Variants in MCM4 observed in about 807,000 individuals in gnomAD.
MCM4 encodes minichromosome maintenance complex component 4.
In MCM4, 60 loss-of-function variants were observed where a neutral mutation model predicts 88.7. That is an observed-to-expected ratio of 0.68 (90% CI 0.55 to 0.84). The LOEUF (loss-of-function observed/expected upper bound fraction) is 0.84. Ranked by LOEUF, MCM4 falls within the 40% of genes least tolerant of loss-of-function variation. The pLI is 0.00. For synonymous variants in MCM4, 465 were observed against 410.5 expected (o/e 1.13, Z -1.61); for missense variants, 1,149 against 1,105.5 (o/e 1.04, Z -0.56).
At chr8:47,962,686 C>T (rs559445029) in intron 5 of MCM4, 78 bp from the exon 6 acceptor site, 67 of 808,796 alleles carry the variant, frequency 8.3e-5, no homozygotes, top group Non-Finnish European at 5.0e-5. Context: ...TAGTGACATA[C>T]TCATAACTTT....
chr8:47,960,990 G>T lies in MCM4; in HGVS notation c.-39G>T, dbSNP rs1044557940. 4.9e-5 allele frequency: 36 copies of T among 739,142 alleles called. No homozygotes were observed. The highest frequency in any genetic ancestry group is 6.2e-5 in the Non-Finnish European group (31 of 500,028). 45.8% of individuals were successfully genotyped at this position (739,142 alleles called of 1,614,324 possible). Reference sequence around the variant, plus strand: ...GGTGGACTCGGAGTCCGCGAGCGTCGTCGGCAAGCGGCCGCCTTTCCACGG... The same window carrying T: ...GGTGGACTCGGAGTCCGCGAGCGTCTTCGGCAAGCGGCCGCCTTTCCACGG... On this transcript the variant is annotated 5_prime_UTR_variant, in exon 1 of 17. Transcript: ENST00000649973.
chr8:47,972,847 G>A lies in MCM4; in HGVS notation c.1929-10G>A. 1 of 1,612,914 alleles carries A rather than the reference G, an allele frequency of 6.2e-7. No homozygotes were observed. Among genetic ancestry groups the A allele is most frequent in the South Asian group, 1.1e-5 (1 of 91,012 alleles). On this transcript the variant is annotated splice_polypyrimidine_tract_variant and intron_variant, in intron 13 of 16. Transcript: ENST00000649973. ...GCTGGAAAAACAGTATTTTTACTTTGTTTTCTTAGGTTTGATTTGATCTTC... is the reference window on the plus strand; with the variant it reads ...GCTGGAAAAACAGTATTTTTACTTTATTTTCTTAGGTTTGATTTGATCTTC...
At chr8:47,961,773 C>T in intron 3 of MCM4, 93 bp downstream of exon 3, 4 of 1,437,104 alleles carry the variant, frequency 2.8e-6, no homozygotes, top group South Asian at 2.7e-5. Context: ...GTTGGCATAA[C>T]GCCTAAAGCA....
chr8:47,965,967 A>G (rs1293782797), intron 8 of MCM4, among the ~76,000 whole-genome samples: 7 of 152,110 alleles, frequency 4.6e-5, no homozygotes, highest in African/African-American at 1.4e-4. Flanking sequence ...GGCAGACAAG[A>G]AGGGAACGAG....
At chr8:47,969,704 C>G (rs530201814) in intron 10 of MCM4, 94 bp from the exon 11 acceptor site, 5 of 1,307,030 alleles carry the variant, frequency 3.8e-6, no homozygotes, top group African/African-American at 2.9e-5. Flanking sequence ...CGTGGTGCCT[C>G]GCTCTGAAGT....
At chr8:47,975,876 G>C in intron 16 of MCM4, 28 bp downstream of exon 16, 1 of 1,429,168 alleles carries the variant, frequency 7.0e-7, no homozygotes, top group Non-Finnish European at 9.2e-7. Flanking sequence ...TTTTTTGTTT[G>C]ATAGAGCTTT....
rs2090935344 is a variant in MCM4 at position 47,969,835 on chromosome 8, AGT to A, written c.1214_1215del (p.Val405GlufsTer2). 2 of 1,614,114 alleles carry A rather than the reference AGT, an allele frequency of 1.2e-6. No individual in the cohort carries two copies. Among genetic ancestry groups the A allele is most frequent in the African/African-American group, 2.7e-5 (2 of 74,934 alleles). ...RAVPIRVNPR[V>X]SNVKSVYKTH... is the part of the protein sequence containing the mutation. Reference sequence around the variant, plus strand: ...CTGTGCCTATTCGAGTCAATCCAAGAGTGAGTAATGTGAAGTCTGTCTACAAA... The same window carrying A: ...CTGTGCCTATTCGAGTCAATCCAAGAGAGTAATGTGAAGTCTGTCTACAAA... On this transcript the variant is annotated frameshift_variant, in exon 11 of 17. Transcript: ENST00000649973. LOFTEE classifies it high-confidence loss of function.
intron 3 of MCM4, 118 bp from the exon 4 acceptor site, chr8:47,961,935 C>A: frequency 9.8e-7 from 1 of 1,024,572 alleles, no homozygotes; most frequent in Non-Finnish European, 1.5e-6. Context: ...TCTCAGCCAC[C>A]GCAGGTTGCA....
chr8:47,961,051 C>T, intron 1 of MCM4, 37 bp downstream of exon 1: 3 of 1,340,818 alleles, frequency 2.2e-6, no homozygotes, highest in African/African-American at 1.5e-5. Context: ...TGGCGCGGAG[C>T]CGACGGGAAC....
intron 9 of MCM4, 53 bp downstream of exon 9, chr8:47,966,460 A>G (rs1209731194): frequency 2.7e-6 from 4 of 1,502,556 alleles, no homozygotes; most frequent in East Asian, 2.4e-5. Flanking sequence ...TGTATCCTCA[A>G]AAGGCCAACT....
At position 47,961,620 on chromosome 8, in the gene MCM4, C is replaced by T. The variant is rs2090837243; in HGVS notation, c.175C>T (p.Leu59=). ...QPMPTSPGVD[L]QSPAAQDVLF... Reference sequence around the variant, plus strand: ...GATGCCAACCTCGCCTGGAGTGGACCTGCAGAGCCCTGCTGCGCAGGACGT... The same window carrying T: ...GATGCCAACCTCGCCTGGAGTGGACTTGCAGAGCCCTGCTGCGCAGGACGT... The change falls in exon 3 of 17, where the codon CTG becomes TTG. Residue 59 remains leucine (L), a synonymous_variant. Transcript: ENST00000649973. 1.9e-6 allele frequency: 3 copies of T among 1,614,188 alleles called. No homozygotes were observed. The highest frequency in any genetic ancestry group is 2.5e-6 in the Non-Finnish European group (3 of 1,180,016).
Position 47,966,302 on chromosome 8 carries a change from G to GTC in MCM4, c.948_949insTC (p.Met317SerfsTer36). 1 of 1,614,052 alleles carries GTC rather than the reference G, an allele frequency of 6.2e-7. No individual in the cohort carries two copies. The highest frequency in any genetic ancestry group is 1.7e-5 in the Admixed American group (1 of 60,030). On this transcript the variant is annotated frameshift_variant, in exon 9 of 17. Coordinates refer to ENST00000649973, the MANE Select transcript of MCM4 (RefSeq NM_182746.3). LOFTEE classifies it high-confidence loss of function. The stretch of plus-strand genomic sequence containing the variant: ...TGTGTGCCCACACGACCCGGGTGGA[G>GTC]ATGGACCGCGGCCGCATTGCAGAGC...
At chr8:47,973,339 C>G (rs2154505408) in intron 14 of MCM4, among the ~76,000 whole-genome samples, 1 of 152,002 alleles carries the variant, frequency 6.6e-6, no homozygotes, top group Non-Finnish European at 1.5e-5. Context: ...ACCACTCCGG[C>G]TAATTTTTGT....
rs1192152598 is a variant in MCM4, at chr8:47,971,418, T to TA, written c.1885dup (p.Thr629AsnfsTer4). ...ATCCCATTGAGTCTCAGTGGAATCCTAAAAAAACAACCATTGAAAACATCC... is the reference window on the plus strand; with the variant it reads ...ATCCCATTGAGTCTCAGTGGAATCCTAAAAAAAACAACCATTGAAAACATCC... On this transcript the variant is annotated frameshift_variant, in exon 13 of 17. Coordinates refer to ENST00000649973, the MANE Select transcript of MCM4 (RefSeq NM_182746.3). LOFTEE classifies it high-confidence loss of function. The TA allele has an allele frequency of 1.2e-6, 2 of 1,614,078 alleles. No individual in the cohort carries two copies. Among genetic ancestry groups the TA allele is most frequent in the Non-Finnish European group, 1.7e-6 (2 of 1,179,968 alleles).
rs1563834018 is a variant in MCM4, at chr8:47,969,930, C to G, written c.1307C>G (p.Ala436Gly). 6.2e-7 allele frequency: 1 copy of G among 1,614,164 alleles called. No homozygotes were observed. Among genetic ancestry groups the G allele is most frequent in the Non-Finnish European group, 8.5e-7 (1 of 1,180,044 alleles). The change falls in exon 11 of 17, where the codon GCA becomes GGA. Residue 436 changes from alanine (A) to glycine (G), a missense_variant. Physicochemically the swap from Ala to Gly is moderately conservative, Grantham distance 60. This residue lies in a region of MCM4 where 906 missense variants were observed against 843.0 expected (regional missense o/e 1.07). Coordinates refer to ENST00000649973, the MANE Select transcript of MCM4 (RefSeq NM_182746.3). ...AKRLHGLDEE[A>G]EQKLFSEKRV... ...CGTCTGCATGGCCTTGATGAAGAAGCAGAACAGAAACTTTTTTCAGAGAAA... is the reference window on the plus strand; with the variant it reads ...CGTCTGCATGGCCTTGATGAAGAAGGAGAACAGAAACTTTTTTCAGAGAAA...
chr8:47,972,365 C>A (rs552260867), intron 13 of MCM4, among the ~76,000 whole-genome samples: 2 of 152,062 alleles, frequency 1.3e-5, no homozygotes, highest in East Asian at 3.9e-4. Context: ...CTAGGGACAG[C>A]ACAGGGTGAG....
chr8:47,965,252 T>A (rs2090888518), intron 8 of MCM4, among the ~76,000 whole-genome samples: 1 of 151,546 alleles, frequency 6.6e-6, no homozygotes, highest in South Asian at 2.1e-4. Context: ...GATTTGAGGA[T>A]CACTTGAGGC....
intron 14 of MCM4, 127 bp downstream of exon 14, chr8:47,973,191 G>A (rs547350786): frequency 6.5e-6 from 6 of 923,676 alleles, no homozygotes; most frequent in East Asian, 5.3e-5. Context: ...CTTGTTTTGA[G>A]ACAGAGCCTG....
rs951136003 is a variant in MCM4 at position 47,977,830 on chromosome 8, C to G, written c.*1052C>G. On this transcript the variant is annotated 3_prime_UTR_variant, in exon 17 of 17. Coordinates refer to ENST00000649973, the MANE Select transcript of MCM4 (RefSeq NM_182746.3). ...TTTTTTCTCATGGCTACTATTAGAT[C>G]AGGAATGGGTGATTGGAGATTATTA... 16 of 151,978 alleles carry G rather than the reference C, an allele frequency of 1.1e-4. No individual in the cohort carries two copies. Among genetic ancestry groups the G allele is most frequent in the African/African-American group, 3.9e-4 (16 of 41,374 alleles). The allele number at this position is 151,978 out of a possible 1,614,324, so 9.4% of individuals were successfully genotyped here. A position where few individuals can be genotyped will look rare whatever the true frequency, so the allele number is the denominator to read the frequency against.
Sources: gnomAD v4.1 joint callset for allele counts (sites outside exome capture counted in the v4.1 genomes callset) on GRCh38, gnomAD v4.1.1 for gene constraint, gnomAD v4.1.1 regional missense constraint, MANE v1.5 for transcripts, NCBI Gene and HGNC (gene_info 2026-07-23, HGNC 2026-07-21) for gene names.